The following CRYL1 variants were observed in gnomAD, a reference collection of about 807,000 sequenced individuals.
CRYL1 encodes the protein lambda-crystallin homolog.
In CRYL1, 29 loss-of-function variants were observed where a neutral mutation model predicts 36.6. That is an observed-to-expected ratio of 0.79 (90% CI 0.59 to 1.08). The LOEUF (loss-of-function observed/expected upper bound fraction) is 1.08. Among genes scored for constraint, CRYL1 ranks in the 50% least tolerant of loss-of-function variants. The probability of loss-of-function intolerance (pLI) is 0.00; values close to 1 mark genes in which losing one functional copy is unlikely to be tolerated. For missense variants in CRYL1, 411 were observed against 407.9 expected, an observed-to-expected ratio of 1.01 and a Z score of -0.06; for synonymous variants, 152 against 151.5, an observed-to-expected ratio of 1.00 and a Z score of -0.02.
chr13:20,483,977 T>C (rs944456326), intron 3 of CRYL1, among the ~76,000 whole-genome samples: 2 of 152,124 alleles, frequency 1.3e-5, no homozygotes, highest in Non-Finnish European at 2.9e-5. Context: ...CCACCACACC[T>C]GGCTAATTTT....
chr13:20,475,382 T>A (rs2033145318), intron 3 of CRYL1, among the ~76,000 whole-genome samples: 1 of 152,184 alleles, frequency 6.6e-6, no homozygotes, highest in East Asian at 1.9e-4. Context: ...CATTCAGTCA[T>A]CAACAAATGT....
chr13:20,520,785 G>A (rs1479140472), intron 1 of CRYL1, among the ~76,000 whole-genome samples: 1 of 152,166 alleles, frequency 6.6e-6, no homozygotes, highest in Non-Finnish European at 1.5e-5. Flanking sequence ...ATGCACAGAG[G>A]TGAAACCACT....
At chr13:20,471,954 AG>A (rs910267635) in intron 3 of CRYL1, among the ~76,000 whole-genome samples, 1 of 152,034 alleles carries the variant, frequency 6.6e-6, no homozygotes, top group Admixed American at 6.6e-5. Flanking sequence ...TCCGCCTCCC[AG>A]GATCAAGCAA....
chr13:20,413,359 TC>T lies in CRYL1; in HGVS notation c.661del (p.Asp221ThrfsTer29), dbSNP rs2031572635. On this transcript the variant is annotated frameshift_variant, in exon 6 of 8. Transcript: ENST00000298248. LOFTEE classifies it high-confidence loss of function. ...EEGIVSPSDLDLVMSEGLGMR... is the reference protein window; with the variant it reads ...EEGIVSPSDLXLVMSEGLGMR... ...GCCCAACCCTTCTGACATGACAAGGTCCAGGTCACTAGGAGACACGATTCCT... is the reference window on the plus strand; with the variant it reads ...GCCCAACCCTTCTGACATGACAAGGTCAGGTCACTAGGAGACACGATTCCT... 6.2e-7 allele frequency: 1 copy of T among 1,613,468 alleles called. No homozygotes were observed. The highest frequency in any genetic ancestry group is 1.3e-5 in the African/African-American group (1 of 74,892).
intron 4 of CRYL1, among the ~76,000 whole-genome samples, chr13:20,434,117 G>A (rs143749524): frequency 6.6e-6 from 1 of 152,304 alleles, no homozygotes; most frequent in East Asian, 1.9e-4. Context: ...TGATCTCAGT[G>A]AGAATGTGTC....
At chr13:20,511,946 T>C (rs1204726624) in intron 2 of CRYL1, among the ~76,000 whole-genome samples, 1 of 152,218 alleles carries the variant, frequency 6.6e-6, no homozygotes, top group East Asian at 1.9e-4. Flanking sequence ...AATAACCACA[T>C]AAACAGCTCC....
At position 20,432,313 on chromosome 13, in the gene CRYL1, A is replaced by C; in HGVS notation, c.439-17T>G. The C allele has an allele frequency of 6.3e-7, 1 of 1,580,518 alleles. No individual in the cohort carries two copies. The highest frequency in any genetic ancestry group is 8.7e-7 in the Non-Finnish European group (1 of 1,156,042). ...CGGATTCACCTTAGGAGAGAGAGAG[A>C]AGTGGGGGAGTCAAGGAGATGATCC... On this transcript the variant is annotated splice_polypyrimidine_tract_variant and intron_variant, in intron 4 of 7. Coordinates refer to ENST00000298248, the MANE Select transcript of CRYL1 (RefSeq NM_015974.3).
chr13:20,511,796 C>A (rs920982506), intron 2 of CRYL1, among the ~76,000 whole-genome samples: 8 of 152,208 alleles, frequency 5.3e-5, no homozygotes, highest in Non-Finnish European at 1.2e-4. Context: ...TTTCCCCTGT[C>A]CTTGACCTCC....
Position 20,431,298 on chromosome 13 carries a change from A to T in CRYL1, c.633+804T>A, listed in dbSNP as rs1283985842. ...GCCAGGTGCAGATGACTCGAGCCCG[A>T]GCAGCGTCCTCCCTACGCGGTGCAG... On this transcript the variant is annotated intron_variant, in intron 5 of 7. Transcript: ENST00000298248. 5 of 985,300 alleles carry T rather than the reference A, an allele frequency of 5.1e-6. No individual in the cohort carries two copies. The African/African-American group carries it at 8.7e-5, about 17-fold the overall frequency. The allele number at this position is 985,300 out of a possible 1,614,324, so 61.0% of individuals were successfully genotyped here.
At chr13:20,444,269 A>G (rs1000441080) in intron 3 of CRYL1, among the ~76,000 whole-genome samples, 3 of 152,348 alleles carry the variant, frequency 2.0e-5, no homozygotes, top group Admixed American at 6.5e-5. Flanking sequence ...ATCAAAATAA[A>G]GGGTTTAATT....
intron 3 of CRYL1, among the ~76,000 whole-genome samples, chr13:20,472,640 C>G (rs2033084767): frequency 6.6e-6 from 1 of 152,220 alleles, no homozygotes; most frequent in South Asian, 2.1e-4. Flanking sequence ...CTGCCTTTAC[C>G]TCTAAAAAGA....
At chr13:20,509,456 C>G (rs1186337770) in intron 2 of CRYL1, among the ~76,000 whole-genome samples, 1 of 152,112 alleles carries the variant, frequency 6.6e-6, no homozygotes, top group African/African-American at 2.4e-5. Flanking sequence ...CTTCATAAAA[C>G]TAGTTTTTAT....
intron 5 of CRYL1, among the ~76,000 whole-genome samples, chr13:20,424,998 C>A (rs2031900982): frequency 6.6e-6 from 1 of 152,194 alleles, no homozygotes; most frequent in African/African-American, 2.4e-5. Flanking sequence ...AACTTCCCTA[C>A]ACACTGGGCC....
chr13:20,473,990 G>C (rs1449338262), intron 3 of CRYL1, among the ~76,000 whole-genome samples: 1 of 152,080 alleles, frequency 6.6e-6, no homozygotes, highest in Non-Finnish European at 1.5e-5. Context: ...TTAATGACAG[G>C]CATCGGCTTC....
chr13:20,510,129 T>C (rs891085553), intron 2 of CRYL1, among the ~76,000 whole-genome samples: 8 of 152,210 alleles, frequency 5.3e-5, no homozygotes, highest in Non-Finnish European at 1.2e-4. Flanking sequence ...AACAACCTGT[T>C]ACCATCCAAT....
intron 2 of CRYL1, among the ~76,000 whole-genome samples, chr13:20,499,477 T>A (rs1452284548): frequency 7.4e-6 from 1 of 134,934 alleles, no homozygotes; most frequent in Non-Finnish European, 1.6e-5. Context: ...TGAAACCCCA[T>A]CTCTACTAAA....
chr13:20,486,003 C>A (rs1263549890), intron 3 of CRYL1, among the ~76,000 whole-genome samples: 4 of 152,106 alleles, frequency 2.6e-5, no homozygotes, highest in Non-Finnish European at 4.4e-5. Flanking sequence ...ACTGCAACCT[C>A]CACCTCCCAG....
At chr13:20,456,007 A>T (rs1222333082) in intron 3 of CRYL1, among the ~76,000 whole-genome samples, 1 of 152,230 alleles carries the variant, frequency 6.6e-6, no homozygotes, top group Non-Finnish European at 1.5e-5. Flanking sequence ...GGGTTCAACA[A>T]ATGGTGCTGG....
At chr13:20,471,191 G>A (rs181760661) in intron 3 of CRYL1, among the ~76,000 whole-genome samples, 1 of 152,140 alleles carries the variant, frequency 6.6e-6, no homozygotes, top group Non-Finnish European at 1.5e-5. Context: ...AAGTGGCTAT[G>A]GGATTATGAA....
Sources: gnomAD v4.1 joint callset for allele counts (sites outside exome capture counted in the v4.1 genomes callset) on GRCh38, gnomAD v4.1.1 for gene constraint, MANE v1.5 for transcripts, NCBI Gene and HGNC (gene_info 2026-07-23, HGNC 2026-07-21) for gene names.